Variants in SHANK2 observed in about 807,000 individuals in gnomAD.
SHANK2 encodes SH3 and multiple ankyrin repeat domains 2.
In SHANK2, 43 loss-of-function variants were observed where a neutral mutation model predicts 133.7. That is an observed-to-expected ratio of 0.32 (90% CI 0.25 to 0.41). The LOEUF (loss-of-function observed/expected upper bound fraction) is 0.41, where lower values mean the gene tolerates loss of function less well. SHANK2 is among the 10% of genes least tolerant of loss of function. SHANK2 has a pLI of 1.00. For synonymous variants in SHANK2, 1,017 were observed against 952.8 expected, an observed-to-expected ratio of 1.07 and a Z score of -1.24; for missense variants, 1,994 against 2,235.8, an observed-to-expected ratio of 0.89 and a Z score of 2.18.
At chr11:70,893,305 G>A (rs534415736) in intron 11 of SHANK2, among the ~76,000 whole-genome samples, 34 of 152,356 alleles carry the variant, frequency 2.2e-4, no homozygotes, top group African/African-American at 7.7e-4. Context: ...ACAAGCTAGT[G>A]GGGAAGAGAG....
intron 14 of SHANK2, among the ~76,000 whole-genome samples, chr11:70,758,935 C>T (rs797025419): frequency 9.3e-4 from 140 of 151,348 alleles, no homozygotes; most frequent in African/African-American, 2.4e-3. Context: ...CTGAGGCAGG[C>T]GGATCACGAG....
intron 11 of SHANK2, among the ~76,000 whole-genome samples, chr11:70,862,429 A>G (rs188055744): frequency 6.6e-6 from 1 of 152,322 alleles, no homozygotes; most frequent in Non-Finnish European, 1.5e-5. Flanking sequence ...GAGTAGAGAC[A>G]ATGGAAATGG....
At chr11:70,932,525 T>C (rs1465745433) in intron 10 of SHANK2, among the ~76,000 whole-genome samples, 1 of 152,192 alleles carries the variant, frequency 6.6e-6, no homozygotes, top group Non-Finnish European at 1.5e-5. Context: ...ACTACCTCTG[T>C]TTACAAAGAT....
chr11:70,859,977 A>G (rs1949232540), intron 11 of SHANK2, among the ~76,000 whole-genome samples: 1 of 152,162 alleles, frequency 6.6e-6, no homozygotes, highest in African/African-American at 2.4e-5. Context: ...CTTTGGCAAC[A>G]ACCCCACAGC....
chr11:70,753,031 T>C (rs1555037754), intron 14 of SHANK2, among the ~76,000 whole-genome samples: 1 of 151,996 alleles, frequency 6.6e-6, no homozygotes, highest in Non-Finnish European at 1.5e-5. Context: ...GAGAATCGCT[T>C]GAACCCAGGA....
chr11:71,110,453 CA>C (rs1391624051), intron 5 of SHANK2, among the ~76,000 whole-genome samples: 14 of 151,846 alleles, frequency 9.2e-5, no homozygotes, highest in African/African-American at 3.1e-4. Flanking sequence ...AACAAACAAA[CA>C]AAAAATTAGC....
intron 14 of SHANK2, among the ~76,000 whole-genome samples, chr11:70,740,633 C>T (rs1343201189): frequency 1.3e-5 from 2 of 152,204 alleles, no homozygotes; most frequent in East Asian, 1.9e-4. Context: ...CAAGCAGCAT[C>T]AGTCAGCCCA....
At chr11:70,674,342 G>A (rs993231220) in intron 15 of SHANK2, among the ~76,000 whole-genome samples, 1 of 151,982 alleles carries the variant, frequency 6.6e-6, no homozygotes, top group Non-Finnish European at 1.5e-5. Context: ...GTAATGGGAA[G>A]TATTTTAATG....
At chr11:71,056,866 AAAG>A (rs1950928134) in intron 9 of SHANK2, among the ~76,000 whole-genome samples, 4 of 133,180 alleles carry the variant, frequency 3.0e-5, no homozygotes, top group Admixed American at 6.8e-5. Context: ...AAAGAAAAGA[AAAG>A]AAGAAAAGAA....
chr11:70,780,125 C>G (rs1397994764), intron 14 of SHANK2, among the ~76,000 whole-genome samples: 1 of 152,214 alleles, frequency 6.6e-6, no homozygotes, highest in African/African-American at 2.4e-5. Context: ...CTGGGGATAC[C>G]ATTTGAGCAG....
At chr11:70,869,810 A>G (rs1949429898) in intron 11 of SHANK2, among the ~76,000 whole-genome samples, 1 of 152,146 alleles carries the variant, frequency 6.6e-6, no homozygotes, top group Non-Finnish European at 1.5e-5. Flanking sequence ...GAGAACTGAC[A>G]CTGTGGTCAC....
At chr11:70,668,038 G>C (rs1944713512) in intron 15 of SHANK2, 1 of 152,176 alleles carries the variant, frequency 6.6e-6, no homozygotes, top group Non-Finnish European at 1.5e-5. Flanking sequence ...TACCCACTGA[G>C]AGTCAGGGGA....
chr11:70,822,214 G>A (rs1047715587), intron 11 of SHANK2, among the ~76,000 whole-genome samples: 2 of 152,260 alleles, frequency 1.3e-5, no homozygotes, highest in Non-Finnish European at 2.9e-5. Flanking sequence ...ACAGGATTCA[G>A]CCCTTAGGCT....
chr11:70,715,086 T>A (rs1324121287), intron 14 of SHANK2, among the ~76,000 whole-genome samples: 2 of 152,100 alleles, frequency 1.3e-5, no homozygotes, highest in Admixed American at 1.3e-4. Context: ...ATTACAGGCA[T>A]GAGGCACCAC....
intron 17 of SHANK2, among the ~76,000 whole-genome samples, chr11:70,513,287 A>G (rs1225353020): frequency 6.6e-6 from 1 of 152,142 alleles, no homozygotes; most frequent in Non-Finnish European, 1.5e-5. Flanking sequence ...AGAGCCAGAG[A>G]AGGGTAGTTT....
At position 70,494,275 on chromosome 11, in the gene SHANK2, C is replaced by T. The variant is rs190724014; in HGVS notation, c.2309-1810G>A. ...CTGTGTTCCAGACCCTTGGGCCAGT[C>T]CTGCCCCCACCGGGCCAGAACCTCA... is the stretch of plus-strand genomic sequence containing the variant. On this transcript the variant is annotated intron_variant, in intron 21 of 25. Transcript: ENST00000601538. Among the ~76,000 whole-genome samples, 493 of 152,280 alleles carry T rather than the reference C, an allele frequency of 3.2e-3. 13 individuals carry two copies. Among genetic ancestry groups the T allele is most frequent in the Admixed American group, 0.028 (424 of 15,300 alleles).
rs576910382 is a variant in SHANK2, at chr11:70,854,574, C to T, written c.1175-33892G>A. Among the ~76,000 whole-genome samples, 57 of 152,314 alleles carry T rather than the reference C, an allele frequency of 3.7e-4. No individual in the cohort carries two copies. The East Asian group carries it at 4.6e-3, about 12-fold the overall frequency. ...GGACCAAGGTCCAGAGGGTGAAACA[C>T]GTGCTTTCCATCCAGGCACAGGCAA... On this transcript the variant is annotated intron_variant, in intron 11 of 25. Transcript: ENST00000601538.
chr11:71,150,854 G>A (rs1386356724), intron 2 of SHANK2, among the ~76,000 whole-genome samples: 1 of 152,056 alleles, frequency 6.6e-6, no homozygotes, highest in African/African-American at 2.4e-5. Flanking sequence ...CAAGAAAAGG[G>A]GGCACCTGTT....
intron 17 of SHANK2, among the ~76,000 whole-genome samples, chr11:70,657,575 G>A (rs1040050406): frequency 7.2e-5 from 11 of 152,144 alleles, no homozygotes; most frequent in South Asian, 2.1e-4. Flanking sequence ...CCTGCACCCC[G>A]CACCCTCATT....
Sources: allele counts gnomAD v4.1 joint callset (sites outside exome capture counted in the v4.1 genomes callset), GRCh38; gene constraint gnomAD v4.1.1; transcripts MANE v1.5; gene names NCBI Gene and HGNC (gene_info 2026-07-23, HGNC 2026-07-21).